The following SOX5 variants were observed in gnomAD, a reference collection of about 807,000 sequenced individuals.
SOX5 encodes the protein transcription factor SOX-5.
In SOX5, 9 loss-of-function variants were observed where a neutral mutation model predicts 92.0. That is an observed-to-expected ratio of 0.10 (90% CI 0.06 to 0.17). SOX5 has a LOEUF of 0.17. Among genes scored for constraint, SOX5 ranks in the 10% least tolerant of loss-of-function variants. The pLI is 1.00. For missense variants in SOX5, 642 were observed against 944.5 expected (o/e 0.68, Z 4.20); for synonymous variants, 344 against 336.3 (o/e 1.02, Z -0.25).
intron 4 of SOX5, among the ~76,000 whole-genome samples, chr12:24,077,760 G>A (rs926571945): frequency 1.6e-5 from 2 of 125,856 alleles, no homozygotes; most frequent in East Asian, 2.3e-4. Context: ...ACTTCTCTTC[G>A]AAAGGTATTT....
At chr12:23,662,128 A>T (rs185626606) in intron 7 of SOX5, among the ~76,000 whole-genome samples, 156 of 152,220 alleles carry the variant, frequency 1.0e-3, no homozygotes, top group Non-Finnish European at 1.9e-3. Context: ...TTTTATACAC[A>T]CACATTATAT....
chr12:24,191,292 T>C (rs757546046), intron 4 of SOX5, among the ~76,000 whole-genome samples: 3 of 152,226 alleles, frequency 2.0e-5, no homozygotes, highest in Non-Finnish European at 4.4e-5. Flanking sequence ...AACTTAATTT[T>C]AGTGTTTTGC....
At chr12:23,949,770 C>CTCTG, upstream of SOX5, 1 of 269,458 alleles carries the variant, frequency 3.7e-6, no homozygotes, top group Non-Finnish European at 6.0e-6. Context: ...CTCTCTGTCT[C>CTCTG]TCTCTCTCTC....
intron 4 of SOX5, among the ~76,000 whole-genome samples, chr12:23,979,403 T>C (rs1016465203): frequency 1.3e-5 from 2 of 152,008 alleles, no homozygotes; most frequent in Admixed American, 6.6e-5. Flanking sequence ...TTCCTATTTT[T>C]AGTAGAGACC....
chr12:24,068,135 A>C (rs1385393465), intron 4 of SOX5, among the ~76,000 whole-genome samples: 1 of 152,132 alleles, frequency 6.6e-6, no homozygotes, highest in Non-Finnish European at 1.5e-5. Flanking sequence ...ACAGAGGGAG[A>C]CTCCGTCTCA....
In SOX5 at chr12:23,934,511, A is replaced by G. The variant is rs990532915; in HGVS notation, c.38+15053T>C. Among the ~76,000 whole-genome samples the G allele has an allele frequency of 3.3e-5, 5 of 149,586 alleles. No individual in the cohort carries two copies. The Admixed American group carries it at 3.4e-4, about 10-fold the overall frequency. ...TCTAATATATAAAATACAAATGATT[A>G]TACAACATGAATATTTTATTTTAAA... On this transcript the variant is annotated intron_variant, in intron 1 of 14. Coordinates refer to ENST00000451604, the MANE Select transcript of SOX5 (RefSeq NM_006940.6).
chr12:24,518,233 T>C (rs1949971170), intron 1 of SOX5, among the ~76,000 whole-genome samples: 1 of 151,954 alleles, frequency 6.6e-6, no homozygotes, highest in Non-Finnish European at 1.5e-5. Flanking sequence ...CATGCCTGGC[T>C]AATTTTTGTA....
chr12:24,109,902 AC>A (rs1188446199), intron 4 of SOX5, among the ~76,000 whole-genome samples: 2 of 152,236 alleles, frequency 1.3e-5, no homozygotes, highest in Admixed American at 1.3e-4. Context: ...TGCAAAACAT[AC>A]GTCCACAAAT....
At chr12:24,526,176 A>C (rs1950694253) in intron 1 of SOX5, among the ~76,000 whole-genome samples, 1 of 152,130 alleles carries the variant, frequency 6.6e-6, no homozygotes. Context: ...AAAATTAAAC[A>C]ATTTTTCCCA....
intron 4 of SOX5, among the ~76,000 whole-genome samples, chr12:24,209,425 GAAT>G (rs2080104441): frequency 6.6e-6 from 1 of 152,096 alleles, no homozygotes; most frequent in South Asian, 2.1e-4. Flanking sequence ...AAAGAATTTA[GAAT>G]AATATTTTTT....
At chr12:23,713,766 T>C (rs1051949963) in intron 6 of SOX5, among the ~76,000 whole-genome samples, 2 of 148,808 alleles carry the variant, frequency 1.3e-5, no homozygotes, top group African/African-American at 4.9e-5. Flanking sequence ...TGTATATATA[T>C]AATCTATGAC....
chr12:24,285,346 C>T (rs1268521225), intron 2 of SOX5, among the ~76,000 whole-genome samples: 3 of 152,236 alleles, frequency 2.0e-5, no homozygotes, highest in South Asian at 4.2e-4. Context: ...GTATGCTGGT[C>T]CAATATTTGC....
intron 3 of SOX5, among the ~76,000 whole-genome samples, chr12:24,264,994 G>A (rs1942798881): frequency 6.6e-6 from 1 of 152,170 alleles, no homozygotes; most frequent in South Asian, 2.1e-4. Flanking sequence ...AACTAGGGGA[G>A]GCATATCAAC....
At chr12:24,139,279 G>A (rs1359041391) in intron 4 of SOX5, among the ~76,000 whole-genome samples, 2 of 152,124 alleles carry the variant, frequency 1.3e-5, no homozygotes, top group East Asian at 1.9e-4. Flanking sequence ...AAGCCAACAC[G>A]AGCCCGGCTG....
At chr12:23,702,584 G>A (rs554246400) in intron 6 of SOX5, among the ~76,000 whole-genome samples, 1 of 152,112 alleles carries the variant, frequency 6.6e-6, no homozygotes, top group Admixed American at 6.6e-5. Context: ...TCTGGCCCTG[G>A]CATTGATTCT....
chr12:23,887,740 T>C (rs1378027445), intron 2 of SOX5, among the ~76,000 whole-genome samples: 1 of 152,230 alleles, frequency 6.6e-6, no homozygotes, highest in Non-Finnish European at 1.5e-5. Context: ...CTTTTCTACA[T>C]TTTATATTAA....
chr12:23,886,608 G>T (rs979806659), intron 2 of SOX5, among the ~76,000 whole-genome samples: 1 of 151,440 alleles, frequency 6.6e-6, no homozygotes, highest in East Asian at 1.9e-4. Flanking sequence ...CTAATGCACT[G>T]GTATTATCAC....
At chr12:24,199,940 G>GA (rs774967524) in intron 4 of SOX5, among the ~76,000 whole-genome samples, 186 of 146,526 alleles carry the variant, frequency 1.3e-3, no homozygotes, top group Middle Eastern at 0.01. Context: ...TTGCTGAAAA[G>GA]AAAAAAAAAA....
At chr12:24,292,243 A>G (rs1042045389) in intron 2 of SOX5, among the ~76,000 whole-genome samples, 6 of 152,240 alleles carry the variant, frequency 3.9e-5, no homozygotes, top group Non-Finnish European at 7.3e-5. Flanking sequence ...TATGATCAGT[A>G]TTACTCAGTC....
Sources: allele counts gnomAD v4.1 joint callset (sites outside exome capture counted in the v4.1 genomes callset), GRCh38; gene constraint gnomAD v4.1.1; transcripts MANE v1.5; gene names NCBI Gene and HGNC (gene_info 2026-07-23, HGNC 2026-07-21).